CNTNAP2: variants seen among roughly 807,000 people sequenced by gnomAD.
CNTNAP2 encodes contactin-associated protein-like 2.
CNTNAP2 carries 98 observed loss-of-function variants against 155.2 expected under a neutral mutation model. The observed-to-expected ratio is 0.63, with a 90% confidence interval of 0.54 to 0.75. CNTNAP2 has a LOEUF of 0.75. Ranked by LOEUF, CNTNAP2 falls within the 30% of genes least tolerant of loss-of-function variation. CNTNAP2 has a pLI of 0.00. For missense variants in CNTNAP2, 1,727 were observed against 1,688.1 expected, an observed-to-expected ratio of 1.02 and a Z score of -0.40; for synonymous variants, 651 against 631.2, an observed-to-expected ratio of 1.03 and a Z score of -0.47.
At chr7:147,870,575 G>T (rs2116700402) in intron 13 of CNTNAP2, among the ~76,000 whole-genome samples, 1 of 152,256 alleles carries the variant, frequency 6.6e-6, no homozygotes, top group Admixed American at 6.5e-5. Context: ...TAAACCTTGT[G>T]GCAGAGAAAA....
chr7:147,436,433 C>T (rs1797548961), intron 10 of CNTNAP2, among the ~76,000 whole-genome samples: 3 of 151,730 alleles, frequency 2.0e-5, no homozygotes, highest in Admixed American at 2.0e-4. Context: ...ATAATATGGC[C>T]TGAGAAAATC....
intron 15 of CNTNAP2, among the ~76,000 whole-genome samples, chr7:148,110,078 A>G (rs1804314199): frequency 1.3e-5 from 2 of 150,356 alleles, no homozygotes; most frequent in South Asian, 4.2e-4. Context: ...CCATGTTTCA[A>G]GGTCCAGAAA....
At chr7:147,932,709 A>G (rs971935083) in intron 14 of CNTNAP2, among the ~76,000 whole-genome samples, 2 of 152,192 alleles carry the variant, frequency 1.3e-5, no homozygotes, top group Non-Finnish European at 2.9e-5. Flanking sequence ...ACAGAGCAAG[A>G]GGTATACTAT....
intron 1 of CNTNAP2, among the ~76,000 whole-genome samples, chr7:146,352,534 G>A (rs921233750): frequency 6.6e-6 from 1 of 151,898 alleles, no homozygotes; most frequent in African/African-American, 2.4e-5. Context: ...TATACAACCA[G>A]CCTGAATAAT....
At chr7:146,311,829 A>G (rs1227724078) in intron 1 of CNTNAP2, 2 of 151,146 alleles carry the variant, frequency 1.3e-5, no homozygotes, top group African/African-American at 4.8e-5. Context: ...AAAAATATAT[A>G]TATATATTAG....
intron 1 of CNTNAP2, among the ~76,000 whole-genome samples, chr7:146,242,531 C>G (rs1050625591): frequency 3.5e-4 from 51 of 145,044 alleles, no homozygotes; most frequent in African/African-American, 1.4e-3. Context: ...GAGTGAGACT[C>G]TGTCTCAAAA....
intron 12 of CNTNAP2, among the ~76,000 whole-genome samples, chr7:147,583,866 G>T (rs953875999): frequency 6.6e-6 from 1 of 151,964 alleles, no homozygotes; most frequent in African/African-American, 2.4e-5. Flanking sequence ...ACTATCGGTA[G>T]CATCTCACAA....
intron 2 of CNTNAP2, among the ~76,000 whole-genome samples, chr7:146,794,678 C>A (rs566451241): frequency 6.6e-6 from 1 of 152,232 alleles, no homozygotes; most frequent in Admixed American, 6.5e-5. Flanking sequence ...GCCTATCTAA[C>A]TGTGTTTTTT....
At chr7:147,295,270 C>CGT (rs749144938) in intron 8 of CNTNAP2, among the ~76,000 whole-genome samples, 29 of 150,330 alleles carry the variant, frequency 1.9e-4, no homozygotes, top group South Asian at 1.9e-3. Context: ...TGTGTGCATG[C>CGT]GTGTGTGTGT....
intron 11 of CNTNAP2, among the ~76,000 whole-genome samples, chr7:147,535,219 C>T (rs1184881461): frequency 2.0e-5 from 3 of 151,978 alleles, no homozygotes; most frequent in Non-Finnish European, 2.9e-5. Flanking sequence ...ATGGTGAAAC[C>T]CCGTCTCTAC....
chr7:146,271,535 A>T (rs1174115034), intron 1 of CNTNAP2, among the ~76,000 whole-genome samples: 1 of 152,012 alleles, frequency 6.6e-6, no homozygotes. Flanking sequence ...AGTAAATAAT[A>T]TACGGTTTAT....
At chr7:146,995,856 C>G (rs1325531499) in intron 3 of CNTNAP2, among the ~76,000 whole-genome samples, 1 of 152,050 alleles carries the variant, frequency 6.6e-6, no homozygotes, top group African/African-American at 2.4e-5. Flanking sequence ...CTTTGCTATG[C>G]AGAAACATTT....
intron 11 of CNTNAP2, among the ~76,000 whole-genome samples, chr7:147,543,156 T>C: frequency 6.6e-6 from 1 of 152,242 alleles, no homozygotes; most frequent in East Asian, 1.9e-4. Flanking sequence ...TTTCTATAGA[T>C]ATTAAATTAA....
intron 5 of CNTNAP2, among the ~76,000 whole-genome samples, chr7:147,118,498 A>G (rs774499458): frequency 2.0e-5 from 3 of 152,194 alleles, no homozygotes; most frequent in Non-Finnish European, 4.4e-5. Context: ...GTATCAATCT[A>G]TCGATCTAAT....
chr7:146,157,675 C>T (rs1019351636), intron 1 of CNTNAP2, among the ~76,000 whole-genome samples: 9 of 152,110 alleles, frequency 5.9e-5, no homozygotes, highest in Non-Finnish European at 8.8e-5. Context: ...AAGGTGGCAG[C>T]GAGACTGGGG....
chr7:146,770,314 GTA>G (rs1491357248), intron 1 of CNTNAP2, among the ~76,000 whole-genome samples: 1 of 111,608 alleles, frequency 9.0e-6, no homozygotes, highest in African/African-American at 3.7e-5. Flanking sequence ...ATATGTGTGT[GTA>G]TACACACACA....
At chr7:146,900,459 G>A (rs555143139) in intron 3 of CNTNAP2, among the ~76,000 whole-genome samples, 1 of 152,274 alleles carries the variant, frequency 6.6e-6, no homozygotes, top group East Asian at 1.9e-4. Flanking sequence ...CCACTCCACA[G>A]CTTCACCCCA....
chr7:146,248,465 G>C (rs1799700448), intron 1 of CNTNAP2, among the ~76,000 whole-genome samples: 1 of 152,188 alleles, frequency 6.6e-6, no homozygotes, highest in African/African-American at 2.4e-5. Context: ...AACACCAGGG[G>C]AAGGCTGCCT....
At position 148,204,163 on chromosome 7, in the gene CNTNAP2, T is replaced by A. The variant is rs773289128; in HGVS notation, c.3011-13125T>A. 2.9e-4 allele frequency among the ~76,000 whole-genome samples: 44 copies of A among 152,190 alleles called. 1 individual carries two copies. The highest frequency in any genetic ancestry group is 7.3e-5 in the Non-Finnish European group (5 of 68,030). On this transcript the variant is annotated intron_variant, in intron 18 of 23. Coordinates refer to ENST00000361727, the MANE Select transcript of CNTNAP2 (RefSeq NM_014141.6). ...GTTACTTCCATTTGATGAGTGAGACTCAGCTGTGATAGTCTATCTGCTTTA... is the reference window on the plus strand; with the variant it reads ...GTTACTTCCATTTGATGAGTGAGACACAGCTGTGATAGTCTATCTGCTTTA...
Sources: allele counts gnomAD v4.1 joint callset (sites outside exome capture counted in the v4.1 genomes callset), GRCh38; gene constraint gnomAD v4.1.1; transcripts MANE v1.5; gene names NCBI Gene and HGNC (gene_info 2026-07-23, HGNC 2026-07-21).